Variants in MCCC2 observed in about 807,000 individuals in gnomAD.
MCCC2 encodes methylcrotonyl-CoA carboxylase subunit 2, also known as methylcrotonoyl-CoA carboxylase beta chain, mitochondrial.
A neutral mutation model predicts 77.2 loss-of-function variants in MCCC2; 52 were observed. That is an observed-to-expected ratio of 0.67 (90% CI 0.54 to 0.85). The LOEUF (loss-of-function observed/expected upper bound fraction) is 0.85, where lower values mean the gene tolerates loss of function less well. Ranked by LOEUF, MCCC2 falls within the 40% of genes least tolerant of loss-of-function variation. The pLI is 0.00. For synonymous variants in MCCC2, 253 were observed against 248.4 expected (o/e 1.02, Z -0.18); for missense variants, 682 against 703.2 (o/e 0.97, Z 0.34).
chr5:71,596,211 A>G, intron 2 of MCCC2, 69 bp from the exon 3 acceptor site: 1 of 1,286,012 alleles, frequency 7.8e-7, no homozygotes, highest in Non-Finnish European at 1.1e-6. Context: ...ATTAAGTATT[A>G]TGTTTTTCTG....
Position 71,610,980 on chromosome 5 carries a change from G to A in MCCC2, c.624+6512G>A, listed in dbSNP as rs566418164. ...CAGCCTGGCGACGAAGTGAGACTCCGTCTCAAACAAACAAAGAACAGGTTT... is the reference window on the plus strand; with the variant it reads ...CAGCCTGGCGACGAAGTGAGACTCCATCTCAAACAAACAAAGAACAGGTTT... On this transcript the variant is annotated intron_variant, in intron 6 of 16. Transcript: ENST00000340941. Among the ~76,000 whole-genome samples, 37 of 151,906 alleles carry A rather than the reference G, an allele frequency of 2.4e-4. No individual in the cohort carries two copies. The East Asian group carries it at 2.5e-3, about 10-fold the overall frequency.
chr5:71,617,232 C>T (rs1746191011), intron 6 of MCCC2, among the ~76,000 whole-genome samples: 1 of 152,188 alleles, frequency 6.6e-6, no homozygotes, highest in South Asian at 2.1e-4. Flanking sequence ...TCCCCTCATC[C>T]TCCTGGGTCG....
intron 6 of MCCC2, among the ~76,000 whole-genome samples, chr5:71,609,789 C>G (rs1344399110): frequency 1.2e-4 from 19 of 152,142 alleles, no homozygotes; most frequent in African/African-American, 3.4e-4. Flanking sequence ...TTCTAACAGA[C>G]AGGACCCTCA....
At chr5:71,618,330 G>A (rs984913064) in intron 6 of MCCC2, among the ~76,000 whole-genome samples, 7 of 152,110 alleles carry the variant, frequency 4.6e-5, no homozygotes, top group African/African-American at 1.7e-4. Flanking sequence ...TTTGCTCTCT[G>A]TCTCACACAC....
chr5:71,645,455 A>C (rs755888669), intron 12 of MCCC2, among the ~76,000 whole-genome samples: 2 of 152,214 alleles, frequency 1.3e-5, no homozygotes, highest in Non-Finnish European at 2.9e-5. Flanking sequence ...CCTAAACTCA[A>C]GGTTAGAAGA....
intron 6 of MCCC2, among the ~76,000 whole-genome samples, chr5:71,621,462 G>A (rs892426247): frequency 6.6e-6 from 1 of 152,176 alleles, no homozygotes; most frequent in South Asian, 2.1e-4. Context: ...TGGGCGTGGT[G>A]GTGCACCTGT....
intron 8 of MCCC2, among the ~76,000 whole-genome samples, chr5:71,633,120 TATATA>T (rs1561841357): frequency 8.5e-5 from 10 of 117,502 alleles, no homozygotes; most frequent in Admixed American, 9.9e-5. Context: ...TATATATATA[TATATA>T]TATATATTTT....
In MCCC2 at chr5:71,656,914, T is replaced by A; in HGVS notation, c.*54T>A. ...ATGTACTGAAAATTAACACATGTAG[T>A]AGCCTTAAAATTTTAGACTTCTCGA... On this transcript the variant is annotated 3_prime_UTR_variant, in exon 17 of 17. Coordinates refer to ENST00000340941, the MANE Select transcript of MCCC2 (RefSeq NM_022132.5). 1.5e-6 allele frequency: 2 copies of A among 1,379,064 alleles called. No individual in the cohort carries two copies. Among genetic ancestry groups the A allele is most frequent in the Non-Finnish European group, 1.0e-6 (1 of 966,792 alleles). The allele number at this position is 1,379,064 out of a possible 1,614,324, so 85.4% of individuals were successfully genotyped here.
intron 6 of MCCC2, among the ~76,000 whole-genome samples, chr5:71,609,329 T>C (rs1464109611): frequency 6.6e-6 from 1 of 152,014 alleles, no homozygotes; most frequent in Non-Finnish European, 1.5e-5. Flanking sequence ...CATCTTCCAT[T>C]GCTGATACCC....
chr5:71,601,977 G>T (rs950500128), intron 4 of MCCC2, among the ~76,000 whole-genome samples: 1 of 152,136 alleles, frequency 6.6e-6, no homozygotes, highest in African/African-American at 2.4e-5. Context: ...TAAGATGAAC[G>T]TTATATTTTA....
At chr5:71,638,805 G>A (rs948293098) in intron 10 of MCCC2, among the ~76,000 whole-genome samples, 4 of 152,130 alleles carry the variant, frequency 2.6e-5, no homozygotes, top group African/African-American at 9.7e-5. Flanking sequence ...ACAGGTGTGA[G>A]CCACCACGCC....
chr5:71,606,340 G>A (rs1745675607), intron 6 of MCCC2, among the ~76,000 whole-genome samples: 1 of 151,870 alleles, frequency 6.6e-6, no homozygotes, highest in African/African-American at 2.4e-5. Context: ...TGAAGCAATT[G>A]TGAATGAGAG....
Position 71,646,076 on chromosome 5 carries a change from A to AG in MCCC2, c.1150-135_1150-134insG, listed in dbSNP as rs397817439. On this transcript the variant is annotated intron_variant, in intron 12 of 16. Transcript: ENST00000340941. ...GACCATGTTTCTTTAAAAAAAAAAAATTAATAAGAAGAGAAAAAATTTTAA... is the reference window on the plus strand; with the variant it reads ...GACCATGTTTCTTTAAAAAAAAAAAAGTTAATAAGAAGAGAAAAAATTTTAA... The AG allele has an allele frequency of 4.4e-6, 3 of 682,328 alleles. No homozygotes were observed. In the African/African-American group the frequency reaches 5.6e-5, roughly 13 times the overall value. 42.3% of individuals were successfully genotyped at this position (682,328 alleles called of 1,614,324 possible). A position where few individuals can be genotyped will look rare whatever the true frequency, so the allele number is the denominator to read the frequency against.
intron 11 of MCCC2, among the ~76,000 whole-genome samples, chr5:71,642,058 G>T (rs1253598704): frequency 6.6e-6 from 1 of 152,206 alleles, no homozygotes; most frequent in East Asian, 1.9e-4. Flanking sequence ...TGTAAAGATG[G>T]ATGGGCTGTC....
chr5:71,625,436 T>G (rs1311232724), intron 6 of MCCC2, among the ~76,000 whole-genome samples: 1 of 152,216 alleles, frequency 6.6e-6, no homozygotes, highest in Non-Finnish European at 1.5e-5. Flanking sequence ...AACATGACAT[T>G]TTGTTATCTT....
intron 1 of MCCC2, among the ~76,000 whole-genome samples, chr5:71,588,780 G>A (rs114080110): frequency 4.0e-4 from 61 of 152,256 alleles, no homozygotes; most frequent in African/African-American, 1.4e-3. Flanking sequence ...TAGGTACTGA[G>A]TTATGAAAGT....
At chr5:71,648,543 C>G (rs1747336522) in intron 13 of MCCC2, among the ~76,000 whole-genome samples, 1 of 152,176 alleles carries the variant, frequency 6.6e-6, no homozygotes, top group Non-Finnish European at 1.5e-5. Flanking sequence ...AAAGAACAGT[C>G]TGTTTTAAAA....
intron 11 of MCCC2, among the ~76,000 whole-genome samples, chr5:71,642,415 C>T (rs1747146785): frequency 6.6e-6 from 1 of 152,282 alleles, no homozygotes; most frequent in Non-Finnish European, 1.5e-5. Flanking sequence ...AGCCTCTAGT[C>T]GTTTCTTGGA....
chr5:71,631,887 T>A (rs1040818437), intron 7 of MCCC2, among the ~76,000 whole-genome samples: 1 of 152,110 alleles, frequency 6.6e-6, no homozygotes, highest in Non-Finnish European at 1.5e-5. Flanking sequence ...ACTCCATTGC[T>A]TGCTATGGAC....
Sources: allele counts gnomAD v4.1 joint callset (sites outside exome capture counted in the v4.1 genomes callset), GRCh38; gene constraint gnomAD v4.1.1; transcripts MANE v1.5; gene names NCBI Gene and HGNC (gene_info 2026-07-23, HGNC 2026-07-21).